PARVG: variants seen among roughly 807,000 people sequenced by gnomAD.
PARVG encodes parvin gamma, also known as gamma-parvin.
PARVG carries 36 observed loss-of-function variants against 44.4 expected under a neutral mutation model. That is an observed-to-expected ratio of 0.81 (90% CI 0.62 to 1.07). The LOEUF is 1.07. Among genes scored for constraint, PARVG ranks in the 50% least tolerant of loss-of-function variants. The pLI, the probability that PARVG is intolerant of heterozygous loss-of-function variation, is 0.00. For missense variants in PARVG, 407 were observed against 407.4 expected (o/e 1.00, Z 0.01); for synonymous variants, 170 against 174.1 (o/e 0.98, Z 0.19).
intron 12 of PARVG, among the ~76,000 whole-genome samples, chr22:44,202,919 T>TTA (rs1343695882): frequency 6.6e-6 from 1 of 152,210 alleles, no homozygotes; most frequent in Non-Finnish European, 1.5e-5. Context: ...CCACGTTAAA[T>TTA]TACTTTCCCC....
chr22:44,191,976 C>T (rs920026065), intron 7 of PARVG, 73 bp from the exon 8 acceptor site: 20 of 1,523,050 alleles, frequency 1.3e-5, no homozygotes, highest in African/African-American at 2.7e-5. Flanking sequence ...ACAGAGCAAA[C>T]GGATCACTGG....
Position 44,189,103 on chromosome 22 carries a change from C to T in PARVG, c.248-11C>T. On this transcript the variant is annotated splice_polypyrimidine_tract_variant and intron_variant, in intron 5 of 13. Coordinates refer to ENST00000444313, the MANE Select transcript of PARVG (RefSeq NM_022141.7). ...CGGCCAGGGGTCCTCACCACCCTCTCCTGCCTCCAGAGAGGCTGGCGGCGC... is the reference window on the plus strand; with the variant it reads ...CGGCCAGGGGTCCTCACCACCCTCTTCTGCCTCCAGAGAGGCTGGCGGCGC... 1.2e-6 allele frequency: 2 copies of T among 1,613,940 alleles called. No individual in the cohort carries two copies. Among genetic ancestry groups the T allele is most frequent in the Non-Finnish European group, 1.7e-6 (2 of 1,180,016 alleles).
exon 1 of PARVG, chr22:44,173,145 TCTG>T (rs1439738935): frequency 1.7e-5 from 22 of 1,286,640 alleles, no homozygotes; most frequent in Non-Finnish European, 2.1e-5. Flanking sequence ...ACCCCAAACT[TCTG>T]CTGGGACCAC....
intron 10 of PARVG, 57 bp downstream of exon 10, chr22:44,196,270 A>C: frequency 1.2e-6 from 2 of 1,612,114 alleles, no homozygotes; most frequent in Non-Finnish European, 1.7e-6. Context: ...CCCACTGCCC[A>C]CCTGCGCTGT....
At position 44,190,586 on chromosome 22, in the gene PARVG, C is replaced by T. The variant is rs1569182075; in HGVS notation, c.424C>T (p.Leu142Phe). 2 of 1,614,204 alleles carry T rather than the reference C, an allele frequency of 1.2e-6. No homozygotes were observed. Among genetic ancestry groups the T allele is most frequent in the South Asian group, 1.1e-5 (1 of 91,088 alleles). Residue 142 changes from leucine (L) to phenylalanine (F), a missense_variant, in exon 7 of 14, where the codon CTC becomes TTC. Leu to Phe is a conservative substitution (Grantham distance 22). Coordinates refer to ENST00000444313, the MANE Select transcript of PARVG (RefSeq NM_022141.7). ...FNKDLLSTLH[L>F]LVALAKRFQP... ...CAAGGACCTGTTGTCTACCCTGCAC[C>T]TCCTTGTGGCCCTGGCCAAGCGCTT... is the stretch of plus-strand genomic sequence containing the variant.
At chr22:44,198,138 T>C (rs1429553905) in intron 11 of PARVG, among the ~76,000 whole-genome samples, 1 of 152,266 alleles carries the variant, frequency 6.6e-6, no homozygotes, top group Non-Finnish European at 1.5e-5. Context: ...TCCTGTGTTT[T>C]GTATCTTTGA....
chr22:44,183,059 C>T, intron 2 of PARVG: 1 of 483,248 alleles, frequency 2.1e-6, no homozygotes, highest in South Asian at 2.7e-5. Flanking sequence ...TGAGGAAGGA[C>T]CACTTCCTCC....
chr22:44,176,047 G>A (rs1042559288), upstream of PARVG, among the ~76,000 whole-genome samples: 4 of 152,150 alleles, frequency 2.6e-5, no homozygotes, highest in African/African-American at 4.8e-5. Context: ...TGATGTTCTC[G>A]ATGGCTTTGG....
chr22:44,195,414 T>C (rs1462950907), intron 9 of PARVG, among the ~76,000 whole-genome samples: 1 of 152,212 alleles, frequency 6.6e-6, no homozygotes, highest in Non-Finnish European at 1.5e-5. Context: ...CACAGCAAAC[T>C]CAGGCCAGTC....
At position 44,206,770 on chromosome 22, in the gene PARVG, C is replaced by T; in HGVS notation, c.*344C>T. The T allele has an allele frequency of 3.4e-6, 1 of 296,152 alleles. No individual in the cohort carries two copies. The allele number at this position is 296,152 out of a possible 1,614,324, so 18.3% of individuals were successfully genotyped here. On this transcript the variant is annotated 3_prime_UTR_variant, in exon 14 of 14. Transcript: ENST00000444313. Reference sequence around the variant, plus strand: ...CTCTGGGCCCAGGCTAGTGACCGCCCAGAGAGGTGGCATCACTCAGGGCTG... The same window carrying T: ...CTCTGGGCCCAGGCTAGTGACCGCCTAGAGAGGTGGCATCACTCAGGGCTG...
intron 11 of PARVG, 53 bp downstream of exon 11, chr22:44,196,468 A>G (rs1285918744): frequency 6.2e-7 from 1 of 1,600,662 alleles, no homozygotes; most frequent in East Asian, 2.2e-5. Context: ...TGGCCGTAGG[A>G]AGGAAAGAGG....
At chr22:44,194,577 C>CTCCA (rs1049251207) in intron 9 of PARVG, among the ~76,000 whole-genome samples, 1 of 150,686 alleles carries the variant, frequency 6.6e-6, no homozygotes, top group African/African-American at 2.4e-5. Context: ...TTATCCATCC[C>CTCCA]TCCATCCATC....
Position 44,182,630 on chromosome 22 carries a change from A to G in PARVG, c.-12-688A>G, listed in dbSNP as rs1182664331. Among the ~76,000 whole-genome samples the G allele has an allele frequency of 6.6e-6, 1 of 152,164 alleles. No individual in the cohort carries two copies. The highest frequency in any genetic ancestry group is 6.5e-5 in the Admixed American group (1 of 15,286). ...GAGTTTGAAAACACTGAGAAGACCC[A>G]GGGGCTGAAAAGGGAGGAAGAGGGA... On this transcript the variant is annotated intron_variant, in intron 2 of 13. Transcript: ENST00000444313. This position sits in a 1 kb window ranked among gnomAD's most constrained non-coding sequence, Gnocchi z 4.6.
chr22:44,203,388 A>G (rs2054735785), intron 12 of PARVG, among the ~76,000 whole-genome samples: 1 of 152,224 alleles, frequency 6.6e-6, no homozygotes, highest in East Asian at 1.9e-4. Flanking sequence ...CGGCCCACCA[A>G]CACATTCAAG....
intron 7 of PARVG, among the ~76,000 whole-genome samples, chr22:44,190,899 C>T (rs1031652894): frequency 2.6e-5 from 4 of 152,302 alleles, no homozygotes; most frequent in Non-Finnish European, 4.4e-5. Flanking sequence ...AGGAGGTCCA[C>T]GGCTGGCCAG....
At position 44,182,996 on chromosome 22, in the gene PARVG, G is replaced by A; in HGVS notation, c.-12-322G>A. The stretch of plus-strand genomic sequence containing the variant: ...TCTGGGATAGGGTGGGGGGTCCCTG[G>A]GTAGGGGGCTGGGGGCTGCAGGAGC... On this transcript the variant is annotated intron_variant, in intron 2 of 13. Coordinates refer to ENST00000444313, the MANE Select transcript of PARVG (RefSeq NM_022141.7). The surrounding 1 kb of genome is among the most constrained non-coding windows in gnomAD (Gnocchi z 4.6). 1 of 356,152 alleles carries A rather than the reference G, an allele frequency of 2.8e-6. No individual in the cohort carries two copies. Among genetic ancestry groups the A allele is most frequent in the South Asian group, 3.4e-5 (1 of 29,824 alleles). The allele number at this position is 356,152 out of a possible 1,614,324, so 22.1% of individuals were successfully genotyped here. A position where few individuals can be genotyped will look rare whatever the true frequency, so the allele number is the denominator to read the frequency against.
Position 44,198,710 on chromosome 22 carries a change from T to TA in PARVG, c.801_802insA (p.Pro268ThrfsTer28). 1 of 1,609,780 alleles carries TA rather than the reference T, an allele frequency of 6.2e-7. No individual in the cohort carries two copies. ...AGGAATTCTACCTCACTCCCAACTC[T>TA]CCTGCAGAAATGGTAAGTTTTCCAA... On this transcript the variant is annotated frameshift_variant, in exon 12 of 14. Transcript: ENST00000444313. LOFTEE classifies it high-confidence loss of function.
chr22:44,199,457 C>T (rs938137969), intron 12 of PARVG, among the ~76,000 whole-genome samples: 2 of 152,204 alleles, frequency 1.3e-5, no homozygotes, highest in South Asian at 2.1e-4. Flanking sequence ...TACCCACACG[C>T]CTGTTCCCCC....
In PARVG at chr22:44,182,049, G is replaced by A; in HGVS notation, c.-13+132G>A. 3 of 716,164 alleles carry A rather than the reference G, an allele frequency of 4.2e-6. No homozygotes were observed. Among genetic ancestry groups the A allele is most frequent in the Non-Finnish European group, 5.1e-6 (3 of 584,020 alleles). The allele number at this position is 716,164 out of a possible 1,614,324, so 44.4% of individuals were successfully genotyped here. On this transcript the variant is annotated intron_variant, in intron 2 of 13. Transcript: ENST00000444313. The surrounding 1 kb of genome is among the most constrained non-coding windows in gnomAD (Gnocchi z 4.6). ...ACCCGGGGAAGGGAGTCGGTAAAGT[G>A]GGACCTTGAGTCCCCACGGCCCCTC...
Sources: allele counts gnomAD v4.1 joint callset (sites outside exome capture counted in the v4.1 genomes callset), GRCh38; gene constraint gnomAD v4.1.1; non-coding constraint Gnocchi (gnomAD v3.1); transcripts MANE v1.5; gene names NCBI Gene and HGNC (gene_info 2026-07-23, HGNC 2026-07-21).